The following WDR7 variants were observed in gnomAD, a reference collection of about 807,000 sequenced individuals.
WDR7 encodes WD repeat-containing protein 7.
WDR7 carries 46 observed loss-of-function variants against 169.4 expected under a neutral mutation model. The ratio of observed to expected loss-of-function variants is 0.27; its 90% CI spans 0.21 to 0.35. The LOEUF (loss-of-function observed/expected upper bound fraction) is 0.35. Ranked by LOEUF, WDR7 falls within the 10% of genes least tolerant of loss-of-function variation. The probability of loss-of-function intolerance (pLI) is 1.00; values close to 1 mark genes in which losing one functional copy is unlikely to be tolerated. For missense variants in WDR7, 1,534 were observed against 1,859.3 expected (o/e 0.83, Z 3.22); for synonymous variants, 612 against 666.8 (o/e 0.92, Z 1.27).
chr18:56,662,186 G>A (rs1178384071), intron 1 of WDR7, among the ~76,000 whole-genome samples: 1 of 152,174 alleles, frequency 6.6e-6, no homozygotes, highest in Non-Finnish European at 1.5e-5. Flanking sequence ...AAGTCACAGG[G>A]GGCCTGCCTG....
chr18:56,979,068 A>G (rs2047606083), intron 26 of WDR7, among the ~76,000 whole-genome samples: 1 of 152,180 alleles, frequency 6.6e-6, no homozygotes, highest in Non-Finnish European at 1.5e-5. Flanking sequence ...TTGAAAAGGC[A>G]ATGTAGCAAC....
intron 26 of WDR7, among the ~76,000 whole-genome samples, chr18:57,011,262 G>T (rs1026688207): frequency 6.6e-6 from 1 of 152,174 alleles, no homozygotes; most frequent in Non-Finnish European, 1.5e-5. Flanking sequence ...TCAATATGTA[G>T]GTAGTGAAAA....
intron 19 of WDR7, among the ~76,000 whole-genome samples, chr18:56,813,705 T>G (rs1396816053): frequency 6.6e-6 from 1 of 152,136 alleles, no homozygotes; most frequent in African/African-American, 2.4e-5. Context: ...GAGACTATCT[T>G]TATGAGAGAT....
chr18:56,994,628 C>T (rs981429909), intron 26 of WDR7, among the ~76,000 whole-genome samples: 10 of 152,136 alleles, frequency 6.6e-5, no homozygotes, highest in African/African-American at 2.2e-4. Flanking sequence ...TTTACTTTTG[C>T]AAGGGCATAA....
intron 22 of WDR7, among the ~76,000 whole-genome samples, chr18:56,932,944 C>G (rs2046909691): frequency 6.6e-6 from 1 of 151,820 alleles, no homozygotes; most frequent in Admixed American, 6.6e-5. Flanking sequence ...TCTCACTAAA[C>G]ATTTCCATGA....
At chr18:56,999,193 A>G (rs1489686046) in intron 26 of WDR7, among the ~76,000 whole-genome samples, 1 of 152,212 alleles carries the variant, frequency 6.6e-6, no homozygotes. Context: ...GGCAAACAAT[A>G]ACAGAGTTCT....
In WDR7 at chr18:56,962,512, C is replaced by T. The variant is rs2047352169; in HGVS notation, c.4147C>T (p.Arg1383Trp). 4.3e-6 allele frequency: 7 copies of T among 1,612,786 alleles called. No homozygotes were observed. Among genetic ancestry groups the T allele is most frequent in the Non-Finnish European group, 5.9e-6 (7 of 1,179,190 alleles). Residue 1383 changes from arginine to tryptophan, a missense_variant, in exon 26 of 28, where the codon CGG becomes TGG. Transcript: ENST00000254442. ...TGGTTCAGTGGCCCTGTACGACATC[C>T]GGACTGGAAAATGTCAGGTAAATAA... ...RHGSVALYDI[R>W]TGKCQTIHGH...
At chr18:56,921,794 T>G (rs1382204739) in intron 21 of WDR7, among the ~76,000 whole-genome samples, 1 of 152,192 alleles carries the variant, frequency 6.6e-6, no homozygotes, top group Non-Finnish European at 1.5e-5. Context: ...CCACTTATTG[T>G]TTATTTTCAC....
chr18:56,927,164 G>A (rs562653291), intron 22 of WDR7, among the ~76,000 whole-genome samples: 53 of 152,214 alleles, frequency 3.5e-4, no homozygotes, highest in African/African-American at 1.1e-3. Context: ...GGGGTTTTGC[G>A]GAGGGGCAAC....
intron 20 of WDR7, among the ~76,000 whole-genome samples, chr18:56,876,847 A>G (rs2046030157): frequency 6.6e-6 from 1 of 152,138 alleles, no homozygotes; most frequent in African/African-American, 2.4e-5. Context: ...TTAATAAGAT[A>G]GAAAACAATG....
In WDR7 at chr18:56,866,410, GTA is replaced by G. The variant is rs550211602; in HGVS notation, c.3305-13532_3305-13531del. Among the ~76,000 whole-genome samples the G allele has an allele frequency of 2.9e-3, 435 of 151,936 alleles. 1 individual carries two copies. Among genetic ancestry groups the G allele is most frequent in the Non-Finnish European group, 4.1e-3 (282 of 67,968 alleles). ...TAATTATGTCATTATAACAAATACA[GTA>G]TTAGGAGGTATATGAATCACCTTAA... is the stretch of plus-strand genomic sequence containing the variant. On this transcript the variant is annotated intron_variant, in intron 20 of 27. Transcript: ENST00000254442.
intron 25 of WDR7, among the ~76,000 whole-genome samples, chr18:56,958,226 G>T (rs1376519169): frequency 6.6e-6 from 1 of 152,126 alleles, no homozygotes; most frequent in East Asian, 1.9e-4. Flanking sequence ...CCTCTCCGGG[G>T]TTTTGTACAC....
At chr18:56,787,808 G>A (rs2044425348) in intron 19 of WDR7, among the ~76,000 whole-genome samples, 1 of 152,212 alleles carries the variant, frequency 6.6e-6, no homozygotes, top group African/African-American at 2.4e-5. Context: ...AAGAAGGTAA[G>A]ATGAAACTGT....
intron 21 of WDR7, among the ~76,000 whole-genome samples, chr18:56,885,871 T>G (rs975062938): frequency 6.6e-6 from 1 of 150,950 alleles, no homozygotes; most frequent in Non-Finnish European, 1.5e-5. Flanking sequence ...AACACAAGGT[T>G]TTTGAATTAA....
intron 5 of WDR7, among the ~76,000 whole-genome samples, chr18:56,685,269 A>G (rs564074032): frequency 6.6e-6 from 1 of 152,280 alleles, no homozygotes; most frequent in African/African-American, 2.4e-5. Context: ...GTTGTTATTC[A>G]TTTATATTTG....
intron 21 of WDR7, among the ~76,000 whole-genome samples, chr18:56,896,262 G>A (rs2145546707): frequency 6.6e-6 from 1 of 151,844 alleles, no homozygotes; most frequent in African/African-American, 2.4e-5. Flanking sequence ...TAAACTTATT[G>A]ATAGATTAAT....
At chr18:56,915,831 C>T (rs1180799577) in intron 21 of WDR7, among the ~76,000 whole-genome samples, 1 of 152,208 alleles carries the variant, frequency 6.6e-6, no homozygotes, top group Non-Finnish European at 1.5e-5. Context: ...CTCTCTCTGG[C>T]CAATGGTCTT....
intron 25 of WDR7, among the ~76,000 whole-genome samples, chr18:56,954,542 A>G (rs894180027): frequency 6.6e-6 from 1 of 152,168 alleles, no homozygotes; most frequent in African/African-American, 2.4e-5. Context: ...CTATACAGGT[A>G]TATATATGAA....
At chr18:56,931,254 A>G (rs1234686999) in intron 22 of WDR7, among the ~76,000 whole-genome samples, 4 of 152,224 alleles carry the variant, frequency 2.6e-5, no homozygotes, top group Admixed American at 6.5e-5. Context: ...TGCAGTTTCC[A>G]GAATAAGGTT....
Sources: allele counts gnomAD v4.1 joint callset (sites outside exome capture counted in the v4.1 genomes callset), GRCh38; gene constraint gnomAD v4.1.1; transcripts MANE v1.5; gene names NCBI Gene and HGNC (gene_info 2026-07-23, HGNC 2026-07-21).